FGGY: variants seen among roughly 807,000 people sequenced by gnomAD.
FGGY encodes FGGY carbohydrate kinase domain containing, also known as FGGY carbohydrate kinase domain-containing protein.
A neutral mutation model predicts 71.3 loss-of-function variants in FGGY; 72 were observed. That is an observed-to-expected ratio of 1.01 (90% confidence interval 0.84 to 1.23). The LOEUF (loss-of-function observed/expected upper bound fraction) is 1.23, where lower values mean the gene tolerates loss of function less well. Among genes scored for constraint, FGGY ranks in the 50% most tolerant of loss-of-function variants. The pLI is 0.00. For missense variants in FGGY, 668 were observed against 682.3 expected (o/e 0.98, Z 0.23); for synonymous variants, 251 against 250.3 (o/e 1.00, Z -0.02).
intron 8 of FGGY, among the ~76,000 whole-genome samples, chr1:59,580,018 C>T (rs2096160264): frequency 1.3e-5 from 2 of 152,146 alleles, no homozygotes; most frequent in Admixed American, 1.3e-4. Flanking sequence ...GCTCTTATCT[C>T]TCCACCTGCA....
chr1:59,610,806 T>A (rs975015346), intron 9 of FGGY, among the ~76,000 whole-genome samples: 1 of 152,206 alleles, frequency 6.6e-6, no homozygotes, highest in Non-Finnish European at 1.5e-5. Flanking sequence ...ATTGGGTCAC[T>A]CCCACACGGC....
Position 59,638,417 on chromosome 1 carries a change from A to G in FGGY, c.1221+42A>G, listed in dbSNP as rs760255848. ...CCTTGCACATGGGTGAAGGCAGGCC[A>G]AAGGGCTACAAAGTTTGGAAGAAGC... On this transcript the variant is annotated intron_variant, in intron 11 of 15. Coordinates refer to ENST00000303721, the MANE Select transcript of FGGY (RefSeq NM_018291.5). 5.0e-6 allele frequency: 8 copies of G among 1,594,048 alleles called. No individual in the cohort carries two copies. In the African/African-American group the frequency reaches 9.5e-5, roughly 19 times the overall value.
chr1:59,555,738 G>A (rs918331456), intron 8 of FGGY, among the ~76,000 whole-genome samples: 3 of 152,104 alleles, frequency 2.0e-5, no homozygotes, highest in African/African-American at 7.2e-5. Flanking sequence ...AGTGGCTCAC[G>A]CCTGTAATCC....
intron 5 of FGGY, among the ~76,000 whole-genome samples, chr1:59,412,849 T>C (rs1489310165): frequency 1.3e-5 from 2 of 152,156 alleles, no homozygotes; most frequent in Admixed American, 1.3e-4. Flanking sequence ...GGGCCTGGCA[T>C]TGGGATGGTT....
chr1:59,698,911 C>A, intron 14 of FGGY: 7 of 985,388 alleles, frequency 7.1e-6, no homozygotes, highest in Non-Finnish European at 8.4e-6. Flanking sequence ...GCACTGATTC[C>A]TAAATATGCT....
chr1:59,592,950 A>G (rs992950861), intron 8 of FGGY, among the ~76,000 whole-genome samples: 1 of 151,644 alleles, frequency 6.6e-6, no homozygotes, highest in Admixed American at 6.6e-5. Flanking sequence ...ATAAAATAAG[A>G]AAAAGTAAAA....
intron 14 of FGGY, among the ~76,000 whole-genome samples, chr1:59,687,385 A>T (rs1248559251): frequency 2.0e-5 from 3 of 152,124 alleles, no homozygotes; most frequent in Non-Finnish European, 2.9e-5. Flanking sequence ...TAAGAGGGGT[A>T]GCATCTGTCT....
At chr1:59,493,098 C>CACACACACACACACAA (rs2093923738) in intron 6 of FGGY, among the ~76,000 whole-genome samples, 2 of 139,682 alleles carry the variant, frequency 1.4e-5, no homozygotes, top group African/African-American at 3.2e-5. Context: ...CCAAACAAAA[C>CACACACACACACACAA]ACACACACAC....
chr1:59,416,243 G>C lies in FGGY; in HGVS notation c.554+37406G>C, dbSNP rs532053237. On this transcript the variant is annotated intron_variant, in intron 5 of 15. Coordinates refer to ENST00000303721, the MANE Select transcript of FGGY (RefSeq NM_018291.5). ...AAATTGGTTCTTGGGGGATGAAAAA[G>C]ATCTTAGATATTACAATCATTTGTG... Among the ~76,000 whole-genome samples, 8 of 152,250 alleles carry C rather than the reference G, an allele frequency of 5.3e-5. No individual in the cohort carries two copies. In the South Asian group the frequency reaches 1.7e-3, roughly 32 times the overall value.
chr1:59,577,395 T>TA (rs1196645568), intron 8 of FGGY, among the ~76,000 whole-genome samples: 1 of 152,216 alleles, frequency 6.6e-6, no homozygotes, highest in African/African-American at 2.4e-5. Flanking sequence ...TCTTTCAATT[T>TA]ATATATGTTG....
intron 8 of FGGY, among the ~76,000 whole-genome samples, chr1:59,586,815 C>G (rs912128455): frequency 6.6e-6 from 1 of 152,150 alleles, no homozygotes; most frequent in Non-Finnish European, 1.5e-5. Context: ...AAGAAGCAGC[C>G]AAGATGGCCG....
chr1:59,341,364 T>C (rs1184667163), intron 3 of FGGY, among the ~76,000 whole-genome samples: 1 of 152,222 alleles, frequency 6.6e-6, no homozygotes. Flanking sequence ...ATTATTATAA[T>C]TATAAGGACT....
chr1:59,698,493 A>G (rs1297582333), intron 14 of FGGY, among the ~76,000 whole-genome samples: 1 of 152,010 alleles, frequency 6.6e-6, no homozygotes, highest in East Asian at 1.9e-4. Context: ...GGGAATCAGC[A>G]TCTCAATTCC....
intron 7 of FGGY, among the ~76,000 whole-genome samples, chr1:59,550,175 G>C (rs1364668364): frequency 6.6e-6 from 1 of 152,000 alleles, no homozygotes; most frequent in East Asian, 1.9e-4. Flanking sequence ...ACTGACACTG[G>C]TATGGTCATA....
intron 11 of FGGY, among the ~76,000 whole-genome samples, chr1:59,639,448 G>A (rs1187917167): frequency 6.6e-6 from 1 of 152,200 alleles, no homozygotes; most frequent in Non-Finnish European, 1.5e-5. Flanking sequence ...CATGAAGCAT[G>A]CCTACACAAC....
chr1:59,462,331 G>A (rs563026143), intron 6 of FGGY, among the ~76,000 whole-genome samples: 7 of 152,214 alleles, frequency 4.6e-5, no homozygotes, highest in South Asian at 2.1e-4. Flanking sequence ...AGACTTAACC[G>A]TTAGACCTAA....
intron 9 of FGGY, among the ~76,000 whole-genome samples, chr1:59,611,917 A>C (rs2096685797): frequency 6.6e-6 from 1 of 152,240 alleles, no homozygotes; most frequent in African/African-American, 2.4e-5. Flanking sequence ...AGATCAAATG[A>C]ATGAAATGAA....
intron 4 of FGGY, among the ~76,000 whole-genome samples, chr1:59,365,485 A>G (rs1314079414): frequency 1.3e-5 from 2 of 152,218 alleles, no homozygotes; most frequent in Non-Finnish European, 2.9e-5. Context: ...CCCACAAGGC[A>G]TGGCTTGATC....
At chr1:59,380,034 G>C (rs989355925) in intron 5 of FGGY, among the ~76,000 whole-genome samples, 1 of 152,082 alleles carries the variant, frequency 6.6e-6, no homozygotes, top group Non-Finnish European at 1.5e-5. Context: ...CTATGAGTGA[G>C]AACATGCAGT....
Sources: allele counts gnomAD v4.1 joint callset (sites outside exome capture counted in the v4.1 genomes callset), GRCh38; gene constraint gnomAD v4.1.1; transcripts MANE v1.5; gene names NCBI Gene and HGNC (gene_info 2026-07-23, HGNC 2026-07-21).